The following CGNL1 variants were observed in gnomAD, a reference collection of about 807,000 sequenced individuals.
The protein encoded by CGNL1 is cingulin-like protein 1.
CGNL1 carries 132 observed loss-of-function variants against 141.2 expected under a neutral mutation model. The observed-to-expected ratio is 0.93, with a 90% CI of 0.81 to 1.08. The LOEUF is 1.08. CGNL1 is among the 50% of genes least tolerant of loss of function. The pLI, the probability that CGNL1 is intolerant of heterozygous loss-of-function variation, is 0.00. For synonymous variants in CGNL1, 690 were observed against 622.1 expected, an observed-to-expected ratio of 1.11 and a Z score of -1.63; for missense variants, 1,870 against 1,588.6, an observed-to-expected ratio of 1.18 and a Z score of -3.01.
intron 1 of CGNL1, among the ~76,000 whole-genome samples, chr15:57,426,693 A>G (rs1225200949): frequency 6.6e-6 from 1 of 151,474 alleles, no homozygotes; most frequent in Admixed American, 6.6e-5. Context: ...TCCTGGGGTA[A>G]AGTGATCCGC....
At chr15:57,383,727 C>G (rs1488981624) in intron 1 of CGNL1, among the ~76,000 whole-genome samples, 3 of 151,698 alleles carry the variant, frequency 2.0e-5, no homozygotes, top group Non-Finnish European at 4.4e-5. Context: ...GACTCAGGCT[C>G]AAGTGATTCT....
chr15:57,513,736 G>A (rs1238268148), intron 8 of CGNL1, among the ~76,000 whole-genome samples: 7 of 152,112 alleles, frequency 4.6e-5, no homozygotes, highest in African/African-American at 1.7e-4. Flanking sequence ...TGGCCAGGCT[G>A]GTCTCAAACT....
chr15:57,376,694 C>G (rs1281966857), intron 1 of CGNL1, 127 bp downstream of exon 1: 1 of 151,120 alleles, frequency 6.6e-6, no homozygotes, highest in Non-Finnish European at 1.5e-5. Context: ...TGTGCTCAGT[C>G]CGCGCGTCCA....
intron 3 of CGNL1, among the ~76,000 whole-genome samples, 170 bp downstream of exon 3, chr15:57,440,641 T>C (rs2063175334): frequency 1.3e-5 from 2 of 152,032 alleles, no homozygotes; most frequent in Non-Finnish European, 2.9e-5. Context: ...TTGTGTGGTA[T>C]GGGGTGGGGG....
intron 7 of CGNL1, 122 bp from the exon 8 acceptor site, chr15:57,461,558 G>A (rs938109183): frequency 5.2e-6 from 4 of 776,266 alleles, no homozygotes; most frequent in South Asian, 1.5e-5. Context: ...GATGTGGAAG[G>A]AGAGAGTGGC....
At chr15:57,499,520 G>C (rs537578275) in intron 8 of CGNL1, among the ~76,000 whole-genome samples, 4 of 152,256 alleles carry the variant, frequency 2.6e-5, no homozygotes, top group Non-Finnish European at 5.9e-5. Context: ...TTACAGGCGT[G>C]AGCCACCGTA....
intron 8 of CGNL1, among the ~76,000 whole-genome samples, chr15:57,477,282 C>G (rs1233503435): frequency 1.3e-5 from 2 of 152,134 alleles, no homozygotes; most frequent in East Asian, 1.9e-4. Context: ...ATGGGAAAAT[C>G]TTGTTTTTTC....
intron 10 of CGNL1, among the ~76,000 whole-genome samples, chr15:57,522,967 A>C (rs973555147): frequency 3.7e-4 from 57 of 152,278 alleles, no homozygotes; most frequent in African/African-American, 1.3e-3. Context: ...TTTGTTGATG[A>C]CAACTGCCTT....
At chr15:57,497,779 G>A (rs1293403707) in intron 8 of CGNL1, among the ~76,000 whole-genome samples, 1 of 152,218 alleles carries the variant, frequency 6.6e-6, no homozygotes, top group African/African-American at 2.4e-5. Context: ...GCAGAGATGC[G>A]GGCTTGCACC....
intron 1 of CGNL1, among the ~76,000 whole-genome samples, chr15:57,386,269 G>A (rs2152222645): frequency 1.3e-5 from 2 of 152,312 alleles, no homozygotes; most frequent in African/African-American, 4.8e-5. Flanking sequence ...ACAGGCTTGT[G>A]AGCCTCGCTT....
chr15:57,463,170 G>A (rs1349593586), intron 8 of CGNL1, among the ~76,000 whole-genome samples: 2 of 152,110 alleles, frequency 1.3e-5, no homozygotes, highest in Non-Finnish European at 2.9e-5. Flanking sequence ...GAATAGTGTT[G>A]GGGGATATGT....
rs528688810 is a variant in CGNL1 at position 57,482,612 on chromosome 15, T to C, written c.2403+20720T>C. On this transcript the variant is annotated intron_variant, in intron 8 of 18. Transcript: ENST00000281282. ...GGTTGGGCATTTTTGTGTTAATTTCTGGGCTCTCTATTCTGTTTCATTGAC... is the reference window on the plus strand; with the variant it reads ...GGTTGGGCATTTTTGTGTTAATTTCCGGGCTCTCTATTCTGTTTCATTGAC... Among the ~76,000 whole-genome samples the C allele has an allele frequency of 2.0e-5, 3 of 152,362 alleles. No homozygotes were observed. The South Asian group carries it at 6.2e-4, about 32-fold the overall frequency.
chr15:57,447,948 C>A (rs1387052475), intron 4 of CGNL1, among the ~76,000 whole-genome samples: 1 of 152,048 alleles, frequency 6.6e-6, no homozygotes, highest in Non-Finnish European at 1.5e-5. Context: ...TTAAGACTTT[C>A]TCTTTTAAGA....
At chr15:57,462,983 C>T (rs2063465661) in intron 8 of CGNL1, among the ~76,000 whole-genome samples, 1 of 152,094 alleles carries the variant, frequency 6.6e-6, no homozygotes, top group Non-Finnish European at 1.5e-5. Flanking sequence ...TTTCTGTGCA[C>T]CAGCCTGGTA....
chr15:57,402,961 T>C (rs561689583), intron 1 of CGNL1, among the ~76,000 whole-genome samples: 8 of 152,280 alleles, frequency 5.3e-5, no homozygotes, highest in Admixed American at 1.3e-4. Context: ...CACATATGCG[T>C]AATTCCAAAT....
At chr15:57,400,376 T>A (rs1164193555) in intron 1 of CGNL1, among the ~76,000 whole-genome samples, 1 of 152,196 alleles carries the variant, frequency 6.6e-6, no homozygotes, top group Admixed American at 6.5e-5. Flanking sequence ...CTTTTGTTGC[T>A]TCTACTTGGC....
rs111416699 is a variant in CGNL1, at chr15:57,495,140, C to T, written c.2404-21640C>T. On this transcript the variant is annotated intron_variant, in intron 8 of 18. Coordinates refer to ENST00000281282, the MANE Select transcript of CGNL1 (RefSeq NM_032866.5). ...CCCTGTGGGTCCTTAAACCATGATG[C>T]TTCCTGTAGCTTTTACAGGAAGCAT... Among the ~76,000 whole-genome samples the T allele has an allele frequency of 7.8e-3, 1,195 of 152,316 alleles. 17 individuals are homozygous for T. The highest frequency in any genetic ancestry group is 0.027 in the African/African-American group (1,116 of 41,570).
chr15:57,411,756 G>GTT (rs796403383), intron 1 of CGNL1, among the ~76,000 whole-genome samples: 1 of 146,140 alleles, frequency 6.8e-6, no homozygotes. Flanking sequence ...GATCTCACTA[G>GTT]TTTTTTTTTT....
In CGNL1 at chr15:57,549,574, G is replaced by T. The variant is rs1763785419; in HGVS notation, c.*2084G>T. On this transcript the variant is annotated 3_prime_UTR_variant, in exon 19 of 19. Transcript: ENST00000281282. Reference sequence around the variant, plus strand: ...CCTCTGCCTGCTTATGTGGGGTGTGGCCGATTCCTCCCTTTAGTCATTCAT... The same window carrying T: ...CCTCTGCCTGCTTATGTGGGGTGTGTCCGATTCCTCCCTTTAGTCATTCAT... The T allele has an allele frequency of 6.6e-6, 1 of 152,212 alleles. No homozygotes were observed. Among genetic ancestry groups the T allele is most frequent in the Admixed American group, 6.5e-5 (1 of 15,272 alleles). 9.4% of individuals were successfully genotyped at this position (152,212 alleles called of 1,614,324 possible).
Sources: gnomAD v4.1 joint callset for allele counts (sites outside exome capture counted in the v4.1 genomes callset) on GRCh38, gnomAD v4.1.1 for gene constraint, MANE v1.5 for transcripts, NCBI Gene and HGNC (gene_info 2026-07-23, HGNC 2026-07-21) for gene names.